CSNK1G1: variants seen among roughly 807,000 people sequenced by gnomAD.
CSNK1G1 encodes casein kinase I isoform gamma-1.
In CSNK1G1, 22 loss-of-function variants were observed where a neutral mutation model predicts 59.6. That is an observed-to-expected ratio of 0.37 (90% CI 0.26 to 0.53). The LOEUF (loss-of-function observed/expected upper bound fraction) is 0.53, where lower values mean the gene tolerates loss of function less well. Among genes scored for constraint, CSNK1G1 ranks in the 20% least tolerant of loss-of-function variants. CSNK1G1 has a pLI of 0.89. For synonymous variants in CSNK1G1, 179 were observed against 177.1 expected (o/e 1.01, Z -0.08); for missense variants, 384 against 519.5 (o/e 0.74, Z 2.54).
At chr15:64,209,851 G>A (rs1596098192) in intron 6 of CSNK1G1, among the ~76,000 whole-genome samples, 1 of 152,074 alleles carries the variant, frequency 6.6e-6, no homozygotes, top group East Asian at 1.9e-4. Context: ...CCTGTAACAA[G>A]AAGCCCCTTG....
intron 4 of CSNK1G1, among the ~76,000 whole-genome samples, chr15:64,221,590 C>T (rs1429775039): frequency 1.3e-5 from 2 of 151,424 alleles, no homozygotes; most frequent in South Asian, 2.1e-4. Flanking sequence ...GGTCAAGGTC[C>T]GAGATACCAG....
At chr15:64,318,637 G>A (rs1352476544) in intron 1 of CSNK1G1, among the ~76,000 whole-genome samples, 1 of 146,878 alleles carries the variant, frequency 6.8e-6, no homozygotes, top group Non-Finnish European at 1.5e-5. Flanking sequence ...TTGAGACAAA[G>A]TTTCGCCCTG....
intron 4 of CSNK1G1, among the ~76,000 whole-genome samples, chr15:64,224,133 A>C (rs1247292625): frequency 2.0e-5 from 3 of 152,236 alleles, no homozygotes; most frequent in African/African-American, 7.2e-5. Flanking sequence ...AAGGACAACA[A>C]CCTTGGCAAG....
intron 1 of CSNK1G1, among the ~76,000 whole-genome samples, chr15:64,318,107 C>T (rs986168042): frequency 6.6e-6 from 1 of 151,790 alleles, no homozygotes; most frequent in African/African-American, 2.4e-5. Flanking sequence ...ATATTAAGAG[C>T]TTTTATCAAA....
chr15:64,346,470 A>T (rs1386728401), intron 1 of CSNK1G1, among the ~76,000 whole-genome samples: 24 of 131,928 alleles, frequency 1.8e-4, no homozygotes, highest in Non-Finnish European at 3.6e-4. Context: ...TTATTTATTT[A>T]TTTTGAGACA....
rs1342100502 is a variant in CSNK1G1 at position 64,207,555 on chromosome 15, A to G, written c.719T>C (p.Met240Thr). 1.2e-6 allele frequency: 2 copies of G among 1,614,104 alleles called. No homozygotes were observed. The highest frequency in any genetic ancestry group is 2.2e-5 in the South Asian group (2 of 91,088). Residue 240 changes from methionine (M) to threonine (T), a missense_variant, in exon 7 of 12, where the codon ATG (methionine) becomes ACG (threonine). Met to Thr is a moderately conservative substitution (Grantham distance 81). This residue lies in a region of CSNK1G1 where 325 missense variants were observed against 440.9 expected (regional missense o/e 0.74). Transcript: ENST00000303052. ...GCTGCCTCGAAGGAAATACATGAAC[A>G]TATGGCCTAGGGCTTCCAAATCATC... ...RRDDLEALGH[M>T]FMYFLRGSLP... is the part of the protein sequence containing the mutation.
chr15:64,297,204 A>T (rs1199294522), intron 2 of CSNK1G1, among the ~76,000 whole-genome samples: 1 of 152,120 alleles, frequency 6.6e-6, no homozygotes, highest in African/African-American at 2.4e-5. Context: ...GAATGCAATG[A>T]ATAAAATAAA....
chr15:64,173,619 CT>C (rs928192194), intron 11 of CSNK1G1, among the ~76,000 whole-genome samples: 5,721 of 108,604 alleles, frequency 0.053, 138 homozygotes, highest in African/African-American at 0.18. Context: ...CTTTTCTTTT[CT>C]TTTTTTTTTT....
chr15:64,256,734 T>G (rs920885453), intron 3 of CSNK1G1, among the ~76,000 whole-genome samples: 3 of 152,178 alleles, frequency 2.0e-5, no homozygotes, highest in African/African-American at 4.8e-5. Flanking sequence ...GTGTACGATT[T>G]TTTTAAAGGT....
chr15:64,299,919 G>C (rs901194026), intron 2 of CSNK1G1, among the ~76,000 whole-genome samples: 3 of 152,152 alleles, frequency 2.0e-5, no homozygotes, highest in Admixed American at 2.0e-4. Flanking sequence ...TTCAGGGGCA[G>C]AGTCTGAATT....
intron 4 of CSNK1G1, among the ~76,000 whole-genome samples, chr15:64,231,778 T>C (rs2082553960): frequency 6.6e-6 from 1 of 152,184 alleles, no homozygotes; most frequent in African/African-American, 2.4e-5. Context: ...TCATTTTATA[T>C]GCATTTTAAA....
rs139738852 is a variant in CSNK1G1, at chr15:64,206,678, C to T, written c.765+831G>A. Among the ~76,000 whole-genome samples the T allele has an allele frequency of 1.7e-4, 24 of 144,810 alleles. No individual in the cohort carries two copies. The East Asian group carries it at 4.9e-3, about 30-fold the overall frequency. The stretch of plus-strand genomic sequence containing the variant: ...AGAAGCTCACCATTTCCTAGCCAAA[C>T]AGCCAAAGGCACAGAGTAATGATAA... On this transcript the variant is annotated intron_variant, in intron 7 of 11. Coordinates refer to ENST00000303052, the MANE Select transcript of CSNK1G1 (RefSeq NM_022048.5).
chr15:64,346,773 G>T (rs1898001630), intron 1 of CSNK1G1, among the ~76,000 whole-genome samples: 1 of 151,948 alleles, frequency 6.6e-6, no homozygotes, highest in African/African-American at 2.4e-5. Flanking sequence ...TGAGTTTTCA[G>T]ATATAACACT....
chr15:64,343,357 T>C (rs1171403508), intron 1 of CSNK1G1, among the ~76,000 whole-genome samples: 1 of 152,204 alleles, frequency 6.6e-6, no homozygotes, highest in East Asian at 1.9e-4. Flanking sequence ...TCCCACCCTG[T>C]GCTGGCCTAG....
chr15:64,257,698 AT>A (rs1307570469), intron 3 of CSNK1G1, among the ~76,000 whole-genome samples: 1 of 151,942 alleles, frequency 6.6e-6, no homozygotes, highest in African/African-American at 2.4e-5. Flanking sequence ...AATTTTTTGT[AT>A]TTTTTGTAGA....
At chr15:64,271,559 G>A (rs1893307749) in intron 2 of CSNK1G1, among the ~76,000 whole-genome samples, 1 of 152,200 alleles carries the variant, frequency 6.6e-6, no homozygotes. Flanking sequence ...AAAGTGCTGG[G>A]ATTACAGGTG....
intron 1 of CSNK1G1, among the ~76,000 whole-genome samples, chr15:64,314,059 A>G (rs1467809106): frequency 1.3e-5 from 2 of 152,168 alleles, no homozygotes; most frequent in African/African-American, 4.8e-5. Context: ...GCTACATATC[A>G]AAGATCTGCT....
chr15:64,262,736 T>C (rs564479668), intron 2 of CSNK1G1, among the ~76,000 whole-genome samples: 1 of 152,298 alleles, frequency 6.6e-6, no homozygotes, highest in South Asian at 2.1e-4. Context: ...TTTATTTACA[T>C]AAAAACAAAC....
rs911455892 is a variant in CSNK1G1 at position 64,200,626 on chromosome 15, G to A, written c.1107+2456C>T. 2.0e-4 allele frequency among the ~76,000 whole-genome samples: 31 copies of A among 152,300 alleles called. No individual in the cohort carries two copies. Among genetic ancestry groups the A allele is most frequent in the African/African-American group, 7.5e-4 (31 of 41,568 alleles). On this transcript the variant is annotated intron_variant, in intron 10 of 11. Transcript: ENST00000303052. This position sits in a 1 kb window ranked among gnomAD's most constrained non-coding sequence, Gnocchi z 4.3. ...CTCCCAAAGTGCTGGGATTACAGGC[G>A]TGAGCCACTGCGCCTGGCCGCATTA... is the stretch of plus-strand genomic sequence containing the variant.
Sources: gnomAD v4.1 joint callset for allele counts (sites outside exome capture counted in the v4.1 genomes callset) on GRCh38, gnomAD v4.1.1 for gene constraint, gnomAD v4.1.1 regional missense constraint, Gnocchi (gnomAD v3.1) non-coding constraint, MANE v1.5 for transcripts, NCBI Gene and HGNC (gene_info 2026-07-23, HGNC 2026-07-21) for gene names.